The following NAF1 variants were observed in gnomAD, a reference collection of about 807,000 sequenced individuals.
The protein encoded by NAF1 is nuclear assembly factor 1 ribonucleoprotein, also known as H/ACA ribonucleoprotein complex non-core subunit NAF1.
In NAF1, 11 loss-of-function variants were observed where a neutral mutation model predicts 40.6. That is an observed-to-expected ratio of 0.27 (90% confidence interval 0.17 to 0.45). The LOEUF (loss-of-function observed/expected upper bound fraction) is 0.45, where lower values mean the gene tolerates loss of function less well. Among genes scored for constraint, NAF1 ranks in the 20% least tolerant of loss-of-function variants. The probability of loss-of-function intolerance (pLI) is 1.00; values close to 1 mark genes in which losing one functional copy is unlikely to be tolerated. For synonymous variants in NAF1, 260 were observed against 228.5 expected, an observed-to-expected ratio of 1.14 and a Z score of -1.24; for missense variants, 607 against 611.1, an observed-to-expected ratio of 0.99 and a Z score of 0.07.
chr4:163,158,960 T>C (rs1482171361), intron 2 of NAF1, among the ~76,000 whole-genome samples: 2 of 152,138 alleles, frequency 1.3e-5, no homozygotes, highest in East Asian at 1.9e-4. Flanking sequence ...TGGTGCTACT[T>C]TGCTTTCAGC....
intron 2 of NAF1, among the ~76,000 whole-genome samples, chr4:163,161,833 T>G (rs111241593): frequency 2.6e-5 from 4 of 152,194 alleles, no homozygotes; most frequent in Non-Finnish European, 5.9e-5. Flanking sequence ...AACCATTCCA[T>G]GTGGTTTATA....
At chr4:163,138,414 A>C (rs990565166) in intron 5 of NAF1, among the ~76,000 whole-genome samples, 1 of 152,126 alleles carries the variant, frequency 6.6e-6, no homozygotes, top group African/African-American at 2.4e-5. Flanking sequence ...AAATGGGAAA[A>C]ATTCCCCAAC....
chr4:163,159,837 T>C (rs1732147580), intron 2 of NAF1, among the ~76,000 whole-genome samples: 1 of 152,192 alleles, frequency 6.6e-6, no homozygotes, highest in Admixed American at 6.5e-5. Flanking sequence ...CCTACTGAAG[T>C]ATTATCCATT....
chr4:163,166,365 GTCCGAGTCCGAA>G lies in NAF1; in HGVS notation c.351_362del (p.Asp119_Ser122del). The G allele has an allele frequency of 1.3e-6, 2 of 1,599,114 alleles. No individual in the cohort carries two copies. Among genetic ancestry groups the G allele is most frequent in the African/African-American group, 1.3e-5 (1 of 74,582 alleles). ...TCCGGGTCCCTTAGGCACCCGACCT[GTCCGAGTCCGAA>G]TCCGAGTCCGAGGTCTCCAAGGAGT... is the stretch of plus-strand genomic sequence containing the variant. On this transcript the variant is annotated inframe_deletion, in exon 1 of 8. Coordinates refer to ENST00000274054, the MANE Select transcript of NAF1 (RefSeq NM_138386.3).
At chr4:163,117,407 A>C (rs1730371338) in intron 2 of NAF1, 1 of 152,194 alleles carries the variant, frequency 6.6e-6, no homozygotes, top group South Asian at 2.1e-4. Flanking sequence ...GAATATATTA[A>C]ATTTCAATGG....
intron 2 of NAF1, among the ~76,000 whole-genome samples, chr4:163,118,887 G>T (rs532716040): frequency 6.6e-6 from 1 of 152,276 alleles, no homozygotes; most frequent in East Asian, 1.9e-4. Context: ...TACCTGGATG[G>T]GTCCTTTGAC....
intron 2 of NAF1, among the ~76,000 whole-genome samples, chr4:163,154,527 T>A (rs187988123): frequency 2.4e-3 from 371 of 152,002 alleles, no homozygotes; most frequent in Non-Finnish European, 4.2e-3. Flanking sequence ...TATGTGGAGG[T>A]CTGAATTAAG....
downstream of NAF1, chr4:163,126,905 G>A (rs1028159563): frequency 2.0e-5 from 30 of 1,477,606 alleles, no homozygotes; most frequent in Middle Eastern, 6.1e-4. Context: ...CAGGCTCAAA[G>A]GGTCATTATT....
At chr4:163,123,724 C>T (rs1420642660), downstream of NAF1, among the ~76,000 whole-genome samples, 1 of 152,154 alleles carries the variant, frequency 6.6e-6, no homozygotes, top group Non-Finnish European at 1.5e-5. Flanking sequence ...TTAGCTTAGG[C>T]AATGATTTTA....
chr4:163,111,050 T>A (rs2110793495), intron 2 of NAF1, among the ~76,000 whole-genome samples: 1 of 152,282 alleles, frequency 6.6e-6, no homozygotes, highest in Non-Finnish European at 1.5e-5. Flanking sequence ...CCTTACTAAT[T>A]TATATCTCGC....
At chr4:163,114,794 T>C (rs113144698) in intron 2 of NAF1, among the ~76,000 whole-genome samples, 2,858 of 152,306 alleles carry the variant, frequency 0.019, 103 homozygotes, top group African/African-American at 0.064. Context: ...TAAAATTACA[T>C]ATTTTGTCCT....
chr4:163,157,751 A>G (rs984288379), intron 2 of NAF1, among the ~76,000 whole-genome samples: 3 of 152,194 alleles, frequency 2.0e-5, no homozygotes, highest in Non-Finnish European at 2.9e-5. Flanking sequence ...CTACAAGGTT[A>G]TTCAGTTAAG....
chr4:163,113,943 T>C (rs1347326997), intron 2 of NAF1, among the ~76,000 whole-genome samples: 2 of 152,214 alleles, frequency 1.3e-5, no homozygotes, highest in Non-Finnish European at 2.9e-5. Context: ...CTATTGCTTC[T>C]ACTCTAATTC....
intron 5 of NAF1, 110 bp from the exon 6 acceptor site, chr4:163,137,360 T>C (rs62335064): frequency 0.15 from 166,733 of 1,146,936 alleles, 13,277 homozygotes; most frequent in Admixed American, 0.27. Flanking sequence ...GTTCAACCTT[T>C]AATTTTGCAA....
intron 4 of NAF1, among the ~76,000 whole-genome samples, chr4:163,141,488 C>T (rs1731260275): frequency 6.6e-6 from 1 of 152,024 alleles, no homozygotes. Flanking sequence ...TTTTAAAAAC[C>T]TAAAGTTGTT....
At chr4:163,157,872 G>A (rs1403476696) in intron 2 of NAF1, among the ~76,000 whole-genome samples, 1 of 151,996 alleles carries the variant, frequency 6.6e-6, no homozygotes, top group African/African-American at 2.4e-5. Flanking sequence ...TGCAAAAATG[G>A]AAGAAGCTAA....
chr4:163,155,776 G>A (rs1371960616), intron 2 of NAF1, among the ~76,000 whole-genome samples: 3 of 152,280 alleles, frequency 2.0e-5, no homozygotes, highest in South Asian at 2.1e-4. Flanking sequence ...TTTCAGGGAA[G>A]GGTGTATATG....
chr4:163,118,439 T>C (rs1276312311), intron 2 of NAF1, among the ~76,000 whole-genome samples: 1 of 152,228 alleles, frequency 6.6e-6, no homozygotes, highest in Admixed American at 6.5e-5. Flanking sequence ...TATCTCATGT[T>C]ACATTCACAG....
At chr4:163,122,744 G>C (rs2110844112), downstream of NAF1, among the ~76,000 whole-genome samples, 1 of 152,162 alleles carries the variant, frequency 6.6e-6, no homozygotes, top group South Asian at 2.1e-4. Context: ...CCATTATAAG[G>C]GTGAGTTCAG....
Sources: allele counts gnomAD v4.1 joint callset (sites outside exome capture counted in the v4.1 genomes callset), GRCh38; gene constraint gnomAD v4.1.1; transcripts MANE v1.5; gene names NCBI Gene and HGNC (gene_info 2026-07-23, HGNC 2026-07-21).